PPP1R18: variants seen among roughly 807,000 people sequenced by gnomAD.
The protein encoded by PPP1R18 is protein phosphatase 1 regulatory subunit 18, also known as phostensin.
A neutral mutation model predicts 54.8 loss-of-function variants in PPP1R18; 31 were observed. The ratio of observed to expected loss-of-function variants is 0.57; its 90% CI spans 0.43 to 0.76. The LOEUF is 0.76. Among genes scored for constraint, PPP1R18 ranks in the 30% least tolerant of loss-of-function variants. PPP1R18 has a pLI of 0.00. For synonymous variants in PPP1R18, 310 were observed against 320.2 expected, an observed-to-expected ratio of 0.97 and a Z score of 0.34; for missense variants, 685 against 776.1, an observed-to-expected ratio of 0.88 and a Z score of 1.39.
intron 1 of PPP1R18, among the ~76,000 whole-genome samples, chr6:30,679,923 A>G (rs1195774059): frequency 1.3e-5 from 2 of 152,042 alleles, no homozygotes; most frequent in Non-Finnish European, 2.9e-5. Context: ...TTGCTGTCCT[A>G]TGCAAAACCC....
rs992094795 is a variant in PPP1R18, at chr6:30,679,442, C to G, written c.1612-53G>C. On this transcript the variant is annotated intron_variant, in intron 1 of 2. Transcript: ENST00000274853. ...AGGCAAGGTCAGCAGGGGAGAAGCC[C>G]GCGGGGGTTGAGGGAGAGAAAGCGG... 37 of 345,248 alleles carry G rather than the reference C, an allele frequency of 1.1e-4. 2 individuals carry two copies. The South Asian group carries it at 1.2e-3, about 11-fold the overall frequency. 21.4% of individuals were successfully genotyped at this position (345,248 alleles called of 1,614,324 possible).
At position 30,684,797 on chromosome 6, in the gene PPP1R18, C is replaced by T. The variant is rs56249663; in HGVS notation, c.1222G>A (p.Ala408Thr). The change falls in exon 1 of 3, where the codon GCT (alanine) becomes ACT (threonine). Residue 408 changes from alanine (A) to threonine (T), a missense_variant. Physicochemically the swap from Ala to Thr is moderately conservative, Grantham distance 58. Coordinates refer to ENST00000274853, the MANE Select transcript of PPP1R18 (RefSeq NM_133471.4). The surrounding 1 kb of genome is among the most constrained non-coding windows in gnomAD (Gnocchi z 6.0). Reference sequence around the variant, plus strand: ...TGCTGTCTCAGGCCTCCAGTCCCAGCGTCCTCTGGTGGGAGGGGGGAGGGC... The same window carrying T: ...TGCTGTCTCAGGCCTCCAGTCCCAGTGTCCTCTGGTGGGAGGGGGGAGGGC... The part of the protein sequence containing the change: ...SVPSPLPPED[A>T]GTGGLRQQEE... The T allele has an allele frequency of 2.5e-6, 4 of 1,608,258 alleles. No individual in the cohort carries two copies. The highest frequency in any genetic ancestry group is 2.5e-6 in the Non-Finnish European group (3 of 1,177,456).
At position 30,685,793 on chromosome 6, in the gene PPP1R18, C is replaced by A; in HGVS notation, c.226G>T (p.Ala76Ser). The part of the protein sequence containing the change: ...EAGPPDPDES[A>S]VLLEAIGPVH... ...GGCCCGATGGCCTCCAGAAGGACCG[C>A]AGACTCATCCGGGTCTGGAGGTCCA... The change falls in exon 1 of 3, where the codon GCG (alanine) becomes TCG (serine). Residue 76 changes from alanine to serine, a missense_variant. Physicochemically the swap from Ala to Ser is moderately conservative, Grantham distance 99. Coordinates refer to ENST00000274853, the MANE Select transcript of PPP1R18 (RefSeq NM_133471.4). This position sits in a 1 kb window ranked among gnomAD's most constrained non-coding sequence, Gnocchi z 5.0. 1 of 1,613,070 alleles carries A rather than the reference C, an allele frequency of 6.2e-7. No homozygotes were observed. Among genetic ancestry groups the A allele is most frequent in the South Asian group, 1.1e-5 (1 of 91,086 alleles).
intron 1 of PPP1R18, among the ~76,000 whole-genome samples, chr6:30,682,386 C>A (rs1281838003): frequency 6.6e-6 from 1 of 152,178 alleles, no homozygotes; most frequent in Non-Finnish European, 1.5e-5. Context: ...GATTTCTCTC[C>A]TGATGGCAGG....
At chr6:30,679,113 C>T in intron 2 of PPP1R18, 66 bp downstream of exon 2, 2 of 1,424,764 alleles carry the variant, frequency 1.4e-6, no homozygotes, top group South Asian at 2.3e-5. Flanking sequence ...TCCCTCCTCT[C>T]TCCTGGACCA....
Position 30,684,909 on chromosome 6 carries a change from A to G in PPP1R18, c.1110T>C (p.Gly370=). 6.2e-7 allele frequency: 1 copy of G among 1,612,792 alleles called. No homozygotes were observed. Among genetic ancestry groups the G allele is most frequent in the Non-Finnish European group, 8.5e-7 (1 of 1,179,984 alleles). ...CAGCCTCCCCTTCTCCAGCCTCCAC[A>G]CCGGGAGATTCCAGAAGCTTCTCTG... ...ESAEKLLESP[G]VEAGEGEAEK... Residue 370 remains glycine, a synonymous_variant, in exon 1 of 3, where the codon GGT becomes GGC. Transcript: ENST00000274853. This position sits in a 1 kb window ranked among gnomAD's most constrained non-coding sequence, Gnocchi z 6.0.
chr6:30,679,215 G>A lies in PPP1R18; in HGVS notation c.1786C>T (p.Leu596Phe). Residue 596 changes from leucine to phenylalanine, a missense_variant, in exon 2 of 3, where the codon CTC (leucine) becomes TTC (phenylalanine). Physicochemically the swap from Leu to Phe is conservative, Grantham distance 22. Coordinates refer to ENST00000274853, the MANE Select transcript of PPP1R18 (RefSeq NM_133471.4). ...EEELLLLQPELQGGLRTKALI... is the reference protein window; with the variant it reads ...EEELLLLQPEFQGGLRTKALI... ...GCCTTGGTGCGCAGCCCGCCCTGGAGCTCTGGCTGCAGCAGCAGCAGCTCT... is the reference window on the plus strand; with the variant it reads ...GCCTTGGTGCGCAGCCCGCCCTGGAACTCTGGCTGCAGCAGCAGCAGCTCT... 1 of 1,587,224 alleles carries A rather than the reference G, an allele frequency of 6.3e-7. No homozygotes were observed. Among genetic ancestry groups the A allele is most frequent in the Non-Finnish European group, 8.6e-7 (1 of 1,168,752 alleles).
rs373149117 is a variant in PPP1R18, at chr6:30,685,897, C to T, written c.122G>A (p.Arg41Gln). Residue 41 changes from arginine to glutamine, a missense_variant, in exon 1 of 3, where the codon CGA (arginine) becomes CAA (glutamine). Physicochemically the swap from Arg to Gln is conservative, Grantham distance 43. Transcript: ENST00000274853. The surrounding 1 kb of genome is among the most constrained non-coding windows in gnomAD (Gnocchi z 5.0). The part of the protein sequence containing the change: ...ERLSQMPAWK[R>Q]GLLERRRAKL... ...GGCCCGGCGGCGCTCCAGGAGCCCTCGTTTCCAGGCTGGCATCTGGGACAG... is the reference window on the plus strand; with the variant it reads ...GGCCCGGCGGCGCTCCAGGAGCCCTTGTTTCCAGGCTGGCATCTGGGACAG... 1.9e-6 allele frequency: 3 copies of T among 1,610,584 alleles called. No individual in the cohort carries two copies. Among genetic ancestry groups the T allele is most frequent in the Non-Finnish European group, 2.5e-6 (3 of 1,180,002 alleles).
intron 2 of PPP1R18, 67 bp from the exon 3 acceptor site, chr6:30,677,355 C>T: frequency 7.1e-7 from 1 of 1,405,484 alleles, no homozygotes; most frequent in Non-Finnish European, 9.7e-7. Context: ...CACCCTTCCC[C>T]CCCACACAAA....
chr6:30,684,874 T>G lies in PPP1R18; in HGVS notation c.1145A>C (p.Glu382Ala), dbSNP rs201257322. Residue 382 changes from glutamate to alanine, a missense_variant, in exon 1 of 3, where the codon GAG becomes GCG. Physicochemically the swap from Glu to Ala is moderately radical, Grantham distance 107. Coordinates refer to ENST00000274853, the MANE Select transcript of PPP1R18 (RefSeq NM_133471.4). The surrounding 1 kb of genome is among the most constrained non-coding windows in gnomAD (Gnocchi z 6.0). ...CAGAGGCCTGCCCTGAGCCCCCGCC[T>G]CCTCCTTCTCAGCCTCCCCTTCTCC... ...EAGEGEAEKE[E>A]AGAQGRPLRA... 5.2e-4 allele frequency: 835 copies of G among 1,612,866 alleles called. 13 individuals carry two copies. In the South Asian group the frequency reaches 7.2e-3, roughly 14 times the overall value.
chr6:30,679,352 G>A lies in PPP1R18; in HGVS notation c.1649C>T (p.Thr550Met). 1 of 1,575,012 alleles carries A rather than the reference G, an allele frequency of 6.3e-7. No individual in the cohort carries two copies. The highest frequency in any genetic ancestry group is 8.6e-7 in the Non-Finnish European group (1 of 1,161,896). Reference sequence around the variant, plus strand: ...CGAACTCTCGGAGGGGTATTGGTACGTGGTCTCCAGGGCTGTCTCGCTGAA... The same window carrying A: ...CGAACTCTCGGAGGGGTATTGGTACATGGTCTCCAGGGCTGTCTCGCTGAA... ...ISFSETALET[T>M]YQYPSESSVL... Residue 550 changes from threonine to methionine, a missense_variant, in exon 2 of 3, where the codon ACG becomes ATG. Transcript: ENST00000274853.
intron 2 of PPP1R18, among the ~76,000 whole-genome samples, chr6:30,678,376 ATTT>A (rs35334385): frequency 7.3e-6 from 1 of 137,180 alleles, no homozygotes. Context: ...CACCTGGCTA[ATTT>A]TTTTTTTTTT....
chr6:30,685,640 C>T lies in PPP1R18; in HGVS notation c.379G>A (p.Gly127Arg). 10 of 1,613,108 alleles carry T rather than the reference C, an allele frequency of 6.2e-6. No individual in the cohort carries two copies. Among genetic ancestry groups the T allele is most frequent in the Non-Finnish European group, 8.5e-6 (10 of 1,180,022 alleles). The change falls in exon 1 of 3, where the codon GGG (glycine) becomes AGG (arginine). Residue 127 changes from glycine (G) to arginine (R), a missense_variant. Physicochemically the swap from Gly to Arg is moderately radical, Grantham distance 125 (BLOSUM62 -2). Transcript: ENST00000274853. This position sits in a 1 kb window ranked among gnomAD's most constrained non-coding sequence, Gnocchi z 5.0. ...LEARERRPSPGEMRDQSPKGR... is the reference protein window; with the variant it reads ...LEARERRPSPREMRDQSPKGR... ...TTGGGGCTCTGATCCCGCATCTCCC[C>T]AGGGCTGGGTCTCCGCTCCCGGGCC... is the stretch of plus-strand genomic sequence containing the variant.
Position 30,685,716 on chromosome 6 carries a change from T to C in PPP1R18, c.303A>G (p.Gln101=). ...CTAGCAGCTCTTCACTCCGTTGTTG[T>C]TGCTGCTGCTGCTGCTGCCGCTCCT... ...IRQERQQQQQ[Q]QQRSEELLAE... The change falls in exon 1 of 3, where the codon CAA becomes CAG. Residue 101 remains glutamine, a synonymous_variant. Transcript: ENST00000274853. This position sits in a 1 kb window ranked among gnomAD's most constrained non-coding sequence, Gnocchi z 5.0. 2.5e-6 allele frequency: 4 copies of C among 1,612,760 alleles called. No homozygotes were observed. Among genetic ancestry groups the C allele is most frequent in the Non-Finnish European group, 2.5e-6 (3 of 1,179,810 alleles).
chr6:30,679,245 C>A lies in PPP1R18; in HGVS notation c.1756G>T (p.Glu586Ter), dbSNP rs1487460296. 5.7e-6 allele frequency: 9 copies of A among 1,578,844 alleles called. No individual in the cohort carries two copies. The highest frequency in any genetic ancestry group is 7.7e-6 in the Non-Finnish European group (9 of 1,162,460). ...PAAQPDDEED[E>*]EELLLLQPEL... ...GGCTGCAGCAGCAGCAGCTCTTCCT[C>A]ATCCTCTTCGTCGTCGGGTTGGGCT... The change falls in exon 2 of 3, where the codon GAG (glutamate) becomes TAG (stop). Residue 586 changes from glutamate to a stop codon, truncating the protein, a stop_gained. Transcript: ENST00000274853. LOFTEE classifies it high-confidence loss of function.
Position 30,684,348 on chromosome 6 carries a change from A to G in PPP1R18, c.1611+60T>C. The G allele has an allele frequency of 6.8e-7, 1 of 1,473,462 alleles. No individual in the cohort carries two copies. The highest frequency in any genetic ancestry group is 9.1e-7 in the Non-Finnish European group (1 of 1,103,882). The allele number at this position is 1,473,462 out of a possible 1,614,324, so 91.3% of individuals were successfully genotyped here. On this transcript the variant is annotated intron_variant, in intron 1 of 2. Coordinates refer to ENST00000274853, the MANE Select transcript of PPP1R18 (RefSeq NM_133471.4). This position sits in a 1 kb window ranked among gnomAD's most constrained non-coding sequence, Gnocchi z 6.0. The stretch of plus-strand genomic sequence containing the variant: ...CAGGGGTATAAAAAAGAAAGAGACC[A>G]GAGTCCAGAGAAAATTGACAAGTGG...
chr6:30,676,869 G>C lies in PPP1R18; in HGVS notation c.*400C>G. On this transcript the variant is annotated 3_prime_UTR_variant, in exon 3 of 3. Transcript: ENST00000274853. ...GAGATGTGCCTATAAATGGAGTGGG[G>C]TCTGGGCCTCCCAGAGAGACGAGTG... is the stretch of plus-strand genomic sequence containing the variant. 1 of 336,192 alleles carries C rather than the reference G, an allele frequency of 3.0e-6. No individual in the cohort carries two copies. Among genetic ancestry groups the C allele is most frequent in the South Asian group, 2.7e-5 (1 of 36,528 alleles). The allele number at this position is 336,192 out of a possible 1,614,324, so 20.8% of individuals were successfully genotyped here. A position where few individuals can be genotyped will look rare whatever the true frequency, so the allele number is the denominator to read the frequency against.
upstream of PPP1R18, chr6:30,687,081 A>G (rs1015197920): frequency 6.6e-6 from 1 of 151,664 alleles, no homozygotes; most frequent in East Asian, 2.0e-4. The surrounding 1 kb of genome is among the most constrained non-coding windows in gnomAD (Gnocchi z 7.9). Context: ...GGAGACACCC[A>G]CTCCCCAAGT....
Position 30,679,264 on chromosome 6 carries a change from T to C in PPP1R18, c.1737A>G (p.Gln579=). 6.4e-7 allele frequency: 1 copy of C among 1,565,878 alleles called. No individual in the cohort carries two copies. Residue 579 remains glutamine (Q), a synonymous_variant, in exon 2 of 3, where the codon CAA becomes CAG. Coordinates refer to ENST00000274853, the MANE Select transcript of PPP1R18 (RefSeq NM_133471.4). ...CTTCCTCATCCTCTTCGTCGTCGGGTTGGGCTGCTGGAGGGTTGGGGGCAC... is the reference window on the plus strand; with the variant it reads ...CTTCCTCATCCTCTTCGTCGTCGGGCTGGGCTGCTGGAGGGTTGGGGGCAC... ...VPSAPNPPAA[Q]PDDEEDEEEL...
Sources: gnomAD v4.1 joint callset for allele counts (sites outside exome capture counted in the v4.1 genomes callset) on GRCh38, gnomAD v4.1.1 for gene constraint, Gnocchi (gnomAD v3.1) non-coding constraint, MANE v1.5 for transcripts, NCBI Gene and HGNC (gene_info 2026-07-23, HGNC 2026-07-21) for gene names.